IGDCC3: variants seen among roughly 807,000 people sequenced by gnomAD.
IGDCC3 encodes the protein putative neuronal cell adhesion molecule.
A neutral mutation model predicts 72.0 loss-of-function variants in IGDCC3; 47 were observed. The observed-to-expected ratio is 0.65, with a 90% CI of 0.52 to 0.83. IGDCC3 has a LOEUF of 0.83. Ranked by LOEUF, IGDCC3 falls within the 40% of genes least tolerant of loss-of-function variation. IGDCC3 has a pLI of 0.00. For missense variants in IGDCC3, 1,038 were observed against 1,091.3 expected (o/e 0.95, Z 0.69); for synonymous variants, 477 against 472.8 (o/e 1.01, Z -0.11).
Position 65,329,373 on chromosome 15 carries a change from A to AAGAC in IGDCC3, c.2205+13_2205+16dup. The AAGAC allele has an allele frequency of 6.3e-7, 1 of 1,575,178 alleles. No individual in the cohort carries two copies. The highest frequency in any genetic ancestry group is 1.4e-5 in the African/African-American group (1 of 72,892). On this transcript the variant is annotated intron_variant, in intron 13 of 13. Coordinates refer to ENST00000327987, the MANE Select transcript of IGDCC3 (RefSeq NM_004884.4). This position sits in a 1 kb window ranked among gnomAD's most constrained non-coding sequence, Gnocchi z 4.1. ...CAGAGCCTGAGGCGGGGGTTTGTTT[A>AAGAC]AGACATGGGCACTCACTGTGGGTCT...
Position 65,367,389 on chromosome 15 carries a change from AGG to A in IGDCC3, c.409+7706_409+7707del, listed in dbSNP as rs916907485. 1.1e-3 allele frequency among the ~76,000 whole-genome samples: 170 copies of A among 148,842 alleles called. 1 individual carries two copies. Among genetic ancestry groups the A allele is most frequent in the South Asian group, 1.5e-3 (7 of 4,642 alleles). ...AAAGAAAAGAAAAAGGAATGGGGAG[AGG>A]GGGGAGGGATAGCTTTAGGAGATAT... On this transcript the variant is annotated intron_variant, in intron 2 of 13. Coordinates refer to ENST00000327987, the MANE Select transcript of IGDCC3 (RefSeq NM_004884.4).
chr15:65,344,151 G>C (rs1595755772), intron 2 of IGDCC3, among the ~76,000 whole-genome samples: 1 of 152,340 alleles, frequency 6.6e-6, no homozygotes, highest in East Asian at 1.9e-4. Flanking sequence ...CGGGGAGGCT[G>C]TGTGGCATCT....
chr15:65,349,311 C>T (rs1487673185), intron 2 of IGDCC3, among the ~76,000 whole-genome samples: 9 of 152,076 alleles, frequency 5.9e-5, no homozygotes, highest in Non-Finnish European at 2.9e-5. Flanking sequence ...TGGCATAAGC[C>T]GAATCAGTAG....
chr15:65,367,189 C>CA (rs2091292366), intron 2 of IGDCC3, among the ~76,000 whole-genome samples: 3 of 151,726 alleles, frequency 2.0e-5, no homozygotes, highest in Non-Finnish European at 4.4e-5. Flanking sequence ...ACTAAAAATA[C>CA]AAAAAAATTA....
At position 65,339,207 on chromosome 15, in the gene IGDCC3, G is replaced by A. The variant is rs1215295104; in HGVS notation, c.410-3251C>T. ...AGCAACTCTCCTGCCTCAGCCTCCC[G>A]AGTAGCTGGTACTACAGATGCACGC... On this transcript the variant is annotated intron_variant, in intron 2 of 13. Transcript: ENST00000327987. The surrounding 1 kb of genome is among the most constrained non-coding windows in gnomAD (Gnocchi z 4.1). 3.9e-5 allele frequency among the ~76,000 whole-genome samples: 6 copies of A among 152,118 alleles called. No homozygotes were observed. The highest frequency in any genetic ancestry group is 7.4e-5 in the Non-Finnish European group (5 of 68,016).
rs1307043393 is a variant in IGDCC3 at position 65,339,063 on chromosome 15, C to T, written c.410-3107G>A. The stretch of plus-strand genomic sequence containing the variant: ...GACCACAAGCGCGCACCACCACGCC[C>T]AGCTAATTTTTTAATTTCTTTTTTC... On this transcript the variant is annotated intron_variant, in intron 2 of 13. Coordinates refer to ENST00000327987, the MANE Select transcript of IGDCC3 (RefSeq NM_004884.4). The surrounding 1 kb of genome is among the most constrained non-coding windows in gnomAD (Gnocchi z 4.1). Among the ~76,000 whole-genome samples the T allele has an allele frequency of 6.6e-6, 1 of 151,968 alleles. No homozygotes were observed. The highest frequency in any genetic ancestry group is 1.5e-5 in the Non-Finnish European group (1 of 68,014).
At position 65,371,104 on chromosome 15, in the gene IGDCC3, G is replaced by A. The variant is rs1460245253; in HGVS notation, c.409+3993C>T. 2.0e-5 allele frequency among the ~76,000 whole-genome samples: 3 copies of A among 152,242 alleles called. No homozygotes were observed. The South Asian group carries it at 6.2e-4, about 32-fold the overall frequency. On this transcript the variant is annotated intron_variant, in intron 2 of 13. Transcript: ENST00000327987. ...CAAGATGGCCCCAGGCTGGGAGTGAGGGCAATCCTGGCTCTTGGAGAACCC... is the reference window on the plus strand; with the variant it reads ...CAAGATGGCCCCAGGCTGGGAGTGAAGGCAATCCTGGCTCTTGGAGAACCC...
chr15:65,374,956 C>T lies in IGDCC3; in HGVS notation c.409+141G>A, dbSNP rs575582423. The T allele has an allele frequency of 1.3e-5, 9 of 668,008 alleles. No homozygotes were observed. The Admixed American group carries it at 1.4e-4, about 11-fold the overall frequency. 41.4% of individuals were successfully genotyped at this position (668,008 alleles called of 1,614,324 possible). On this transcript the variant is annotated intron_variant, in intron 2 of 13. Coordinates refer to ENST00000327987, the MANE Select transcript of IGDCC3 (RefSeq NM_004884.4). ...CACCGCCACGAATCACTGCCAGGCA[C>T]CTCAAAACCGACCCATGCTGAGAAA...
At chr15:65,333,881 A>G (rs894491) in intron 5 of IGDCC3, among the ~76,000 whole-genome samples, 36,292 of 152,080 alleles carry the variant, frequency 0.24, 4,978 homozygotes, top group Admixed American at 0.34. Context: ...CCGGCTTGAC[A>G]GATCATGCTT....
rs2141031134 is a variant in IGDCC3 at position 65,330,580 on chromosome 15, T to C, written c.1723A>G (p.Thr575Ala). 1 of 1,613,524 alleles carries C rather than the reference T, an allele frequency of 6.2e-7. No individual in the cohort carries two copies. Among genetic ancestry groups the C allele is most frequent in the South Asian group, 1.1e-5 (1 of 91,052 alleles). The change falls in exon 10 of 14, where the codon ACC becomes GCC. Residue 575 changes from threonine (T) to alanine (A), a missense_variant. Coordinates refer to ENST00000327987, the MANE Select transcript of IGDCC3 (RefSeq NM_004884.4). ...TGGCTGAGGTTGTAGGAGGAGACGGTTCCAGGCAGCAGGATGGGGCCGGTG... is the reference window on the plus strand; with the variant it reads ...TGGCTGAGGTTGTAGGAGGAGACGGCTCCAGGCAGCAGGATGGGGCCGGTG... Reference protein sequence around the residue: ...SFTGPILLPGTVSSYNLSQLD... With the variant: ...SFTGPILLPGAVSSYNLSQLD...
intron 2 of IGDCC3, among the ~76,000 whole-genome samples, chr15:65,350,605 G>A (rs2091165632): frequency 6.6e-6 from 1 of 152,028 alleles, no homozygotes; most frequent in African/African-American, 2.4e-5. Context: ...GGGATTACAG[G>A]TGCGTGCCAC....
Position 65,334,746 on chromosome 15 carries a change from C to T in IGDCC3, c.805G>A (p.Val269Met). Reference protein sequence around the residue: ...CVATGNPRPIVSWSRLDGRPI... With the variant: ...CVATGNPRPIMSWSRLDGRPI... ...GGCTCACCCAGGCGGCTCCAGGACA[C>T]AATGGGGCGCGGGTTGCCCGTGGCG... Residue 269 changes from valine to methionine, a missense_variant, in exon 5 of 14, where the codon GTG (valine) becomes ATG (methionine). Physicochemically the swap from Val to Met is conservative, Grantham distance 21. Coordinates refer to ENST00000327987, the MANE Select transcript of IGDCC3 (RefSeq NM_004884.4). 6.3e-7 allele frequency: 1 copy of T among 1,584,680 alleles called. No individual in the cohort carries two copies.
chr15:65,361,631 G>C (rs2091262434), intron 2 of IGDCC3, among the ~76,000 whole-genome samples: 1 of 151,912 alleles, frequency 6.6e-6, no homozygotes, highest in South Asian at 2.1e-4. Flanking sequence ...CAGCAGCCTA[G>C]AAGAGTAGTG....
At position 65,328,218 on chromosome 15, in the gene IGDCC3, G is replaced by A. The variant is rs934472750; in HGVS notation, c.*691C>T. ...ACAGCCCACAGAGCCAGCGAGCCTT[G>A]AGGTAGACATTTTCTTTCACATCTG... is the stretch of plus-strand genomic sequence containing the variant. On this transcript the variant is annotated 3_prime_UTR_variant, in exon 14 of 14. Transcript: ENST00000327987. The A allele has an allele frequency of 1.3e-5, 2 of 151,824 alleles. No individual in the cohort carries two copies. Among genetic ancestry groups the A allele is most frequent in the Admixed American group, 1.3e-4 (2 of 15,216 alleles). 9.4% of individuals were successfully genotyped at this position (151,824 alleles called of 1,614,324 possible).
At chr15:65,375,478 C>A (rs2091353317) in intron 1 of IGDCC3, 76 bp from the exon 2 acceptor site, 4 of 1,268,028 alleles carry the variant, frequency 3.2e-6, no homozygotes, top group Non-Finnish European at 4.3e-6. Context: ...ACTCCACCCA[C>A]ATGGTTCCAA....
rs939105118 is a variant in IGDCC3, at chr15:65,377,511, G to A, written c.103+175C>T. ...CCTCAACACGCCCCTAGGGCCCCCA[G>A]CAGTCCGGCCTTGGTACCCTCTCCC... On this transcript the variant is annotated intron_variant, in intron 1 of 13. Coordinates refer to ENST00000327987, the MANE Select transcript of IGDCC3 (RefSeq NM_004884.4). This position sits in a 1 kb window ranked among gnomAD's most constrained non-coding sequence, Gnocchi z 4.9. Among the ~76,000 whole-genome samples, 2 of 152,158 alleles carry A rather than the reference G, an allele frequency of 1.3e-5. No individual in the cohort carries two copies. Among genetic ancestry groups the A allele is most frequent in the African/African-American group, 4.8e-5 (2 of 41,446 alleles).
chr15:65,374,792 A>C (rs1256722308), intron 2 of IGDCC3, among the ~76,000 whole-genome samples: 1 of 152,252 alleles, frequency 6.6e-6, no homozygotes, highest in Non-Finnish European at 1.5e-5. Context: ...GGATGCTCAA[A>C]GTATGAAAGG....
Position 65,375,211 on chromosome 15 carries a change from G to A in IGDCC3, c.295C>T (p.Arg99Cys), listed in dbSNP as rs749641806. ...TLLANGSLMI[R>C]HFRLEPGGSP... ...CCTCCCGGCTCCAGCCTGAAGTGACGGATCATCAAGGACCCATTGGCCAGC... is the reference window on the plus strand; with the variant it reads ...CCTCCCGGCTCCAGCCTGAAGTGACAGATCATCAAGGACCCATTGGCCAGC... Residue 99 changes from arginine (R) to cysteine (C), a missense_variant, in exon 2 of 14, where the codon CGT (arginine) becomes TGT (cysteine). Physicochemically the swap from Arg to Cys is radical, Grantham distance 180. Coordinates refer to ENST00000327987, the MANE Select transcript of IGDCC3 (RefSeq NM_004884.4). 1.4e-5 allele frequency: 22 copies of A among 1,614,086 alleles called. No individual in the cohort carries two copies. The highest frequency in any genetic ancestry group is 2.2e-5 in the South Asian group (2 of 91,090).
At chr15:65,376,153 G>C (rs1377945706) in intron 1 of IGDCC3, among the ~76,000 whole-genome samples, 1 of 152,194 alleles carries the variant, frequency 6.6e-6, no homozygotes, top group African/African-American at 2.4e-5. Flanking sequence ...CATAGGGAGA[G>C]ATGAAGAGTA....
Sources: allele counts gnomAD v4.1 joint callset (sites outside exome capture counted in the v4.1 genomes callset), GRCh38; gene constraint gnomAD v4.1.1; non-coding constraint Gnocchi (gnomAD v3.1); transcripts MANE v1.5; gene names NCBI Gene and HGNC (gene_info 2026-07-23, HGNC 2026-07-21).